The following DST variants were observed in gnomAD, a reference collection of about 807,000 sequenced individuals.
DST encodes the protein dystonin.
In DST, 253 loss-of-function variants were observed where a neutral mutation model predicts 875.2. That is an observed-to-expected ratio of 0.29 (90% CI 0.26 to 0.32). DST has a LOEUF of 0.32. DST is among the 10% of genes least tolerant of loss of function. The pLI is 1.00. For missense variants in DST, 8,287 were observed against 9,111.6 expected, an observed-to-expected ratio of 0.91 and a Z score of 3.68; for synonymous variants, 3,124 against 3,197.1, an observed-to-expected ratio of 0.98 and a Z score of 0.77.
At chr6:56,472,261 G>C in intron 93 of DST, 39 bp from the exon 94 acceptor site, 1 of 1,600,246 alleles carries the variant, frequency 6.2e-7, no homozygotes, top group Non-Finnish European at 8.5e-7. Flanking sequence ...GCAGTTTCCA[G>C]GGTGCTGAAA....
At chr6:56,895,114 G>A (rs1790516362) in intron 3 of DST, among the ~76,000 whole-genome samples, 1 of 87,870 alleles carries the variant, frequency 1.1e-5, no homozygotes, top group Admixed American at 9.3e-5. Flanking sequence ...CCGGGCAGAG[G>A]AGCCCCTCAC....
chr6:56,604,937 T>C lies in DST; in HGVS notation c.9691A>G (p.Ser3231Gly). The change falls in exon 40 of 104, where the codon AGT (serine) becomes GGT (glycine). Residue 3231 changes from serine (S) to glycine (G), a missense_variant. Ser to Gly is a moderately conservative substitution (Grantham distance 56). Coordinates refer to ENST00000680361, the MANE Select transcript of DST (RefSeq NM_001374736.1). Reference protein sequence around the residue: ...GVNNTKEKSTSTQKDSPLNDM... With the variant: ...GVNNTKEKSTGTQKDSPLNDM... ...TTAAGAGGTGAGTCTTTTTGGGTAC[T>C]AGTGGACTTCTCTTTTGTATTATTA... 1.2e-6 allele frequency: 2 copies of C among 1,612,860 alleles called. No individual in the cohort carries two copies.
chr6:56,465,968 C>T, intron 99 of DST, 110 bp downstream of exon 99: 1 of 701,714 alleles, frequency 1.4e-6, no homozygotes, highest in Non-Finnish European at 2.3e-6. Context: ...CAATGTGAAA[C>T]ATTCACTATT....
chr6:56,556,814 GTTT>G (rs2097428701), intron 59 of DST, among the ~76,000 whole-genome samples: 1 of 152,016 alleles, frequency 6.6e-6, no homozygotes, highest in African/African-American at 2.4e-5. Context: ...AACACCCTGG[GTTT>G]CAGGGTTCCC....
At chr6:56,589,858 GAACA>G (rs1268235787) in intron 49 of DST, among the ~76,000 whole-genome samples, 6 of 152,272 alleles carry the variant, frequency 3.9e-5, no homozygotes, top group South Asian at 2.1e-4. Flanking sequence ...CAAATGAAAT[GAACA>G]AATTGGATGC....
intron 4 of DST, among the ~76,000 whole-genome samples, chr6:56,750,689 T>C (rs2099584463): frequency 6.6e-6 from 1 of 152,130 alleles, no homozygotes; most frequent in African/African-American, 2.4e-5. Flanking sequence ...AAATCAGGGC[T>C]AGTAAAGAAG....
intron 15 of DST, among the ~76,000 whole-genome samples, chr6:56,644,636 G>A (rs2098931642): frequency 6.6e-6 from 1 of 152,168 alleles, no homozygotes; most frequent in Non-Finnish European, 1.5e-5. Flanking sequence ...AACAATACAT[G>A]GAAACATGAG....
intron 5 of DST, among the ~76,000 whole-genome samples, chr6:56,729,153 G>C (rs1347842769): frequency 6.6e-6 from 1 of 152,086 alleles, no homozygotes; most frequent in African/African-American, 2.4e-5. Context: ...AAGTGAGTTC[G>C]ATAAGGCTAA....
chr6:56,881,928 C>G (rs1281796310), intron 3 of DST, among the ~76,000 whole-genome samples: 2 of 152,136 alleles, frequency 1.3e-5, no homozygotes, highest in Non-Finnish European at 2.9e-5. Flanking sequence ...GCAGCGCGTG[C>G]ACAAGAAACT....
chr6:56,619,856 T>C (rs997504834), intron 36 of DST: 4 of 1,614,064 alleles, frequency 2.5e-6, no homozygotes, highest in Non-Finnish European at 3.4e-6. Flanking sequence ...TTTTTCAAGC[T>C]GGAGGGCATT....
At chr6:56,619,289 TG>T (rs1247789711) in intron 36 of DST, 3 of 1,612,550 alleles carry the variant, frequency 1.9e-6, no homozygotes, top group Non-Finnish European at 1.7e-6. Flanking sequence ...TTCATTATTC[TG>T]CCTAGTAAGC....
intron 2 of DST, among the ~76,000 whole-genome samples, chr6:56,920,286 C>G (rs548528787): frequency 9.9e-5 from 15 of 152,268 alleles, no homozygotes; most frequent in Admixed American, 5.9e-4. Context: ...AATTCCTTCC[C>G]AGGCATGAGA....
intron 4 of DST, among the ~76,000 whole-genome samples, chr6:56,826,320 A>G (rs2099780427): frequency 1.3e-5 from 2 of 152,256 alleles, no homozygotes; most frequent in South Asian, 4.1e-4. Flanking sequence ...TATACCTGTC[A>G]GAATCACATG....
At chr6:56,779,806 T>C (rs1263692049) in intron 4 of DST, among the ~76,000 whole-genome samples, 1 of 150,772 alleles carries the variant, frequency 6.6e-6, no homozygotes, top group East Asian at 1.9e-4. Flanking sequence ...ACATGTGCCA[T>C]GCTGGTGTGC....
chr6:56,890,827 C>T (rs150597473), intron 3 of DST, among the ~76,000 whole-genome samples: 18 of 152,276 alleles, frequency 1.2e-4, no homozygotes, highest in Admixed American at 4.6e-4. Context: ...CACTCATGGG[C>T]CTATTTCTTA....
intron 55 of DST, among the ~76,000 whole-genome samples, chr6:56,565,080 A>G (rs1220361008): frequency 6.6e-6 from 1 of 150,552 alleles, no homozygotes; most frequent in Non-Finnish European, 1.5e-5. Context: ...GCCTCATAAA[A>G]TGAGTTAGGG....
intron 27 of DST, 80 bp from the exon 28 acceptor site, chr6:56,633,117 G>T: frequency 9.1e-7 from 1 of 1,100,720 alleles, no homozygotes; most frequent in Non-Finnish European, 1.4e-6. Flanking sequence ...TGGTCGTGTG[G>T]TATATGCCAA....
intron 4 of DST, among the ~76,000 whole-genome samples, chr6:56,812,864 C>T (rs1213545705): frequency 6.6e-6 from 1 of 152,020 alleles, no homozygotes; most frequent in Non-Finnish European, 1.5e-5. Flanking sequence ...TACCATTTGA[C>T]CCAGCCATCC....
rs2098864741 is a variant in DST at position 56,639,523 on chromosome 6, T to C, written c.2786A>G (p.Lys929Arg). The change falls in exon 21 of 104, where the codon AAA becomes AGA. Residue 929 changes from lysine (K) to arginine (R), a missense_variant. By Grantham distance (26) the Lys-to-Arg change is conservative. This residue lies in a region of DST where 1,160 missense variants were observed against 1,424.3 expected (regional missense o/e 0.81). Transcript: ENST00000680361. ...ATNELIWLNE[K>R]EEEEVAYDWS... ...GTCATAAGCAACTTCCTCCTCTTCT[T>C]TTTCATTCAACCAAATAAGTTCATT... The C allele has an allele frequency of 2.5e-6, 4 of 1,613,928 alleles. No homozygotes were observed. The highest frequency in any genetic ancestry group is 1.7e-5 in the Admixed American group (1 of 60,006).
Sources: allele counts gnomAD v4.1 joint callset (sites outside exome capture counted in the v4.1 genomes callset), GRCh38; gene constraint gnomAD v4.1.1; regional missense constraint gnomAD v4.1.1; transcripts MANE v1.5; gene names NCBI Gene and HGNC (gene_info 2026-07-23, HGNC 2026-07-21).